The following TOX variants were observed in gnomAD, a reference collection of about 807,000 sequenced individuals.
TOX encodes thymocyte selection-associated high mobility group box protein TOX.
A neutral mutation model predicts 53.7 loss-of-function variants in TOX; 11 were observed. That is an observed-to-expected ratio of 0.20 (90% confidence interval 0.13 to 0.34). The LOEUF (loss-of-function observed/expected upper bound fraction) is 0.34, where lower values mean the gene tolerates loss of function less well. Ranked by LOEUF, TOX falls within the 10% of genes least tolerant of loss-of-function variation. The pLI is 1.00. For synonymous variants in TOX, 225 were observed against 245.3 expected, an observed-to-expected ratio of 0.92 and a Z score of 0.77; for missense variants, 570 against 664.6, an observed-to-expected ratio of 0.86 and a Z score of 1.56.
chr8:58,850,614 C>A (rs1198917755), intron 4 of TOX, among the ~76,000 whole-genome samples: 3 of 152,136 alleles, frequency 2.0e-5, no homozygotes, highest in Non-Finnish European at 4.4e-5. Context: ...AGAAAGGGGG[C>A]TAGCAGAGTG....
intron 1 of TOX, among the ~76,000 whole-genome samples, chr8:59,016,731 T>C (rs916765211): frequency 1.3e-5 from 2 of 152,182 alleles, no homozygotes; most frequent in African/African-American, 4.8e-5. Flanking sequence ...TTCAAATGGA[T>C]CCAAACTAGC....
intron 7 of TOX, among the ~76,000 whole-genome samples, chr8:58,809,188 T>C (rs1366290941): frequency 6.6e-6 from 1 of 152,230 alleles, no homozygotes; most frequent in Non-Finnish European, 1.5e-5. Context: ...ATTAATCTCA[T>C]GGTTGTCTCC....
chr8:58,907,680 G>A (rs1811840480), intron 3 of TOX, among the ~76,000 whole-genome samples: 1 of 152,236 alleles, frequency 6.6e-6, no homozygotes, highest in South Asian at 2.1e-4. Context: ...TAGGATCAGA[G>A]GCAGAATTGG....
chr8:59,037,809 A>C, intron 1 of TOX, among the ~76,000 whole-genome samples: 1 of 133,900 alleles, frequency 7.5e-6, no homozygotes, highest in African/African-American at 3.0e-5. Context: ...CTCAAAAAAA[A>C]AAAAAAAAAA....
chr8:58,963,075 A>C (rs10103206), intron 1 of TOX, among the ~76,000 whole-genome samples: 22,223 of 152,094 alleles, frequency 0.15, 1,751 homozygotes, highest in Middle Eastern at 0.17. Context: ...ATTCCTCCTG[A>C]CTCACTGTTG....
At chr8:58,829,208 C>G (rs1247068466) in intron 5 of TOX, among the ~76,000 whole-genome samples, 3 of 152,178 alleles carry the variant, frequency 2.0e-5, no homozygotes, top group African/African-American at 7.2e-5. Flanking sequence ...CAGTTAACAT[C>G]ACACAAAGTG....
intron 3 of TOX, among the ~76,000 whole-genome samples, chr8:58,894,956 G>C (rs1811617189): frequency 1.3e-5 from 2 of 151,932 alleles, no homozygotes; most frequent in Non-Finnish European, 1.5e-5. Flanking sequence ...TTGGGAGGCG[G>C]AGGCAGGGGG....
At chr8:58,905,462 T>A (rs1490487611) in intron 3 of TOX, among the ~76,000 whole-genome samples, 11 of 152,108 alleles carry the variant, frequency 7.2e-5, no homozygotes, top group Non-Finnish European at 8.8e-5. Flanking sequence ...TTTCCTAGAG[T>A]TTGCTTTGTT....
intron 1 of TOX, among the ~76,000 whole-genome samples, chr8:59,069,472 G>A (rs1804155115): frequency 6.6e-6 from 1 of 152,178 alleles, no homozygotes; most frequent in South Asian, 2.1e-4. Flanking sequence ...TGAAATGAAA[G>A]AAATCTCCAT....
At chr8:59,040,641 A>G (rs143822237) in intron 1 of TOX, among the ~76,000 whole-genome samples, 149 of 152,388 alleles carry the variant, frequency 9.8e-4, no homozygotes, top group African/African-American at 3.4e-3. Context: ...ACTGAAGTGC[A>G]ATAGACCCAA....
chr8:59,112,260 A>ACAT (rs1805029410), intron 1 of TOX, among the ~76,000 whole-genome samples: 2 of 152,342 alleles, frequency 1.3e-5, no homozygotes, highest in Admixed American at 1.3e-4. Context: ...AACCAGGAAA[A>ACAT]GCTCATTCAG....
intron 1 of TOX, among the ~76,000 whole-genome samples, chr8:59,051,311 C>T (rs910265885): frequency 2.0e-5 from 3 of 152,072 alleles, no homozygotes; most frequent in African/African-American, 7.2e-5. Context: ...AAGAAAATAT[C>T]AAGGACAATG....
At chr8:59,009,981 ATG>A (rs1357918167) in intron 1 of TOX, among the ~76,000 whole-genome samples, 13 of 152,204 alleles carry the variant, frequency 8.5e-5, no homozygotes, top group African/African-American at 2.7e-4. Flanking sequence ...GGAGAATAGA[ATG>A]TCTTATTTAA....
chr8:58,955,528 G>T (rs568878444), intron 2 of TOX, among the ~76,000 whole-genome samples: 2 of 152,102 alleles, frequency 1.3e-5, no homozygotes, highest in Admixed American at 1.3e-4. Context: ...AGTAACCTGA[G>T]CTTTTCCATA....
intron 1 of TOX, among the ~76,000 whole-genome samples, chr8:59,087,091 GC>G (rs1804524763): frequency 6.6e-6 from 1 of 152,170 alleles, no homozygotes; most frequent in Non-Finnish European, 1.5e-5. Flanking sequence ...AGCAAGCCAG[GC>G]TTTCTGCAGG....
intron 3 of TOX, among the ~76,000 whole-genome samples, chr8:58,931,179 A>G (rs2129175707): frequency 6.6e-6 from 1 of 152,352 alleles, no homozygotes; most frequent in East Asian, 1.9e-4. Flanking sequence ...AATTAAACAT[A>G]TCAGCAATCA....
chr8:58,963,950 G>A (rs1366466513), intron 1 of TOX, among the ~76,000 whole-genome samples: 1 of 152,204 alleles, frequency 6.6e-6, no homozygotes, highest in Non-Finnish European at 1.5e-5. Flanking sequence ...TCTAGAGAAG[G>A]TGGTGACTTG....
intron 3 of TOX, among the ~76,000 whole-genome samples, chr8:58,882,602 C>T (rs1227269194): frequency 6.6e-6 from 1 of 152,168 alleles, no homozygotes; most frequent in Non-Finnish European, 1.5e-5. Flanking sequence ...AATTGACCCA[C>T]TTTCTTTAAG....
chr8:59,083,538 T>C (rs1218043397), intron 1 of TOX, among the ~76,000 whole-genome samples: 1 of 152,160 alleles, frequency 6.6e-6, no homozygotes, highest in Non-Finnish European at 1.5e-5. Flanking sequence ...ATAATAAGAG[T>C]GCTTTGAAAT....
Sources: allele counts gnomAD v4.1 joint callset (sites outside exome capture counted in the v4.1 genomes callset), GRCh38; gene constraint gnomAD v4.1.1; transcripts MANE v1.5; gene names NCBI Gene and HGNC (gene_info 2026-07-23, HGNC 2026-07-21).